The following NRG1 variants were observed in gnomAD, a reference collection of about 807,000 sequenced individuals.
NRG1 encodes neuregulin 1, also known as pro-neuregulin-1, membrane-bound isoform.
Under a neutral mutation model 63.8 loss-of-function variants are expected in NRG1, and 18 were observed. The observed-to-expected ratio is 0.28, with a 90% CI of 0.19 to 0.42. The LOEUF is 0.42. Among genes scored for constraint, NRG1 ranks in the 10% least tolerant of loss-of-function variants. The pLI, the probability that NRG1 is intolerant of heterozygous loss-of-function variation, is 1.00. For synonymous variants in NRG1, 302 were observed against 301.3 expected (o/e 1.00, Z -0.02); for missense variants, 762 against 814.7 (o/e 0.94, Z 0.79).
At chr8:32,009,319 T>C (rs1293688509) in intron 1 of NRG1, among the ~76,000 whole-genome samples, 1 of 152,030 alleles carries the variant, frequency 6.6e-6, no homozygotes, top group African/African-American at 2.4e-5. Context: ...TTTTAAGGTA[T>C]ATTCCATTCC....
intron 1 of NRG1, among the ~76,000 whole-genome samples, chr8:31,717,738 TGTC>T (rs1239143850): frequency 1.3e-5 from 2 of 152,196 alleles, no homozygotes; most frequent in African/African-American, 4.8e-5. Flanking sequence ...CCTTTTTTTT[TGTC>T]ATTTTAAGGC....
chr8:31,903,981 C>T (rs1832314865), intron 1 of NRG1, among the ~76,000 whole-genome samples: 1 of 152,064 alleles, frequency 6.6e-6, no homozygotes, highest in Non-Finnish European at 1.5e-5. Flanking sequence ...CTCTAATATA[C>T]AAATAATATC....
At chr8:31,924,373 C>T (rs556375446) in intron 1 of NRG1, among the ~76,000 whole-genome samples, 1 of 152,032 alleles carries the variant, frequency 6.6e-6, no homozygotes, top group South Asian at 2.1e-4. Context: ...AATTGCTTAT[C>T]CATTTTATTC....
chr8:31,729,369 A>G (rs961479980), intron 1 of NRG1, among the ~76,000 whole-genome samples: 2 of 152,156 alleles, frequency 1.3e-5, no homozygotes, highest in African/African-American at 4.8e-5. Context: ...GCTTTGGCAA[A>G]TACTTACAGA....
Position 32,213,421 on chromosome 8 carries a change from A to T in NRG1, c.38-382407A>T, listed in dbSNP as rs188666506. On this transcript the variant is annotated intron_variant, in intron 1 of 10. Transcript: ENST00000519301. ...AATGGGGGCTGAAAAATGAGAGCAC[A>T]TGGACACAGGAGGGTAACAACACAC... 2.4e-3 allele frequency among the ~76,000 whole-genome samples: 369 copies of T among 152,248 alleles called. 1 individual carries two copies. The highest frequency in any genetic ancestry group is 3.2e-3 in the Non-Finnish European group (218 of 68,004).
At chr8:32,728,655 T>A in intron 6 of NRG1, 1 of 984,970 alleles carries the variant, frequency 1.0e-6, no homozygotes, top group Non-Finnish European at 1.2e-6. Flanking sequence ...TATTTGGAAA[T>A]ACATTGTATG....
intron 1 of NRG1, among the ~76,000 whole-genome samples, chr8:32,214,930 G>A (rs1256840746): frequency 6.6e-6 from 1 of 152,158 alleles, no homozygotes; most frequent in African/African-American, 2.4e-5. Flanking sequence ...ATTTTCACTT[G>A]GCCAAATGCC....
intron 1 of NRG1, among the ~76,000 whole-genome samples, chr8:32,065,608 C>T (rs1245780245): frequency 6.6e-6 from 1 of 152,120 alleles, no homozygotes; most frequent in East Asian, 1.9e-4. Context: ...GGCTTGGTTC[C>T]AAGTCTTTGC....
At chr8:32,454,164 T>C (rs562499965) in intron 1 of NRG1, among the ~76,000 whole-genome samples, 1 of 152,354 alleles carries the variant, frequency 6.6e-6, no homozygotes, top group South Asian at 2.1e-4. Flanking sequence ...GCCATTTGGA[T>C]TTCAGAATTG....
chr8:32,386,067 T>C (rs1296073192), intron 1 of NRG1, among the ~76,000 whole-genome samples: 1 of 152,224 alleles, frequency 6.6e-6, no homozygotes, highest in Non-Finnish European at 1.5e-5. Flanking sequence ...CATAGGTCTT[T>C]AGATTTTAGT....
At chr8:32,453,682 TTCCACAGCAA>T (rs1385539685) in intron 1 of NRG1, among the ~76,000 whole-genome samples, 1 of 152,202 alleles carries the variant, frequency 6.6e-6, no homozygotes, top group African/African-American at 2.4e-5. Flanking sequence ...CAGACAGTCC[TTCCACAGCAA>T]TTATTTGTGA....
intron 1 of NRG1, among the ~76,000 whole-genome samples, chr8:31,665,790 T>C (rs1224512289): frequency 6.6e-6 from 1 of 152,192 alleles, no homozygotes; most frequent in African/African-American, 2.4e-5. Context: ...AATGGTGCGA[T>C]ATGACCCAGG....
chr8:32,027,762 A>AT (rs1237215214), intron 1 of NRG1, among the ~76,000 whole-genome samples: 10 of 151,960 alleles, frequency 6.6e-5, no homozygotes, highest in South Asian at 2.1e-4. Context: ...CTCCTAAGAT[A>AT]TTTTTTCTGT....
intron 1 of NRG1, among the ~76,000 whole-genome samples, chr8:32,337,005 A>C (rs1373236764): frequency 1.3e-5 from 2 of 151,984 alleles, no homozygotes; most frequent in Non-Finnish European, 2.9e-5. Flanking sequence ...ATTTTTCTTT[A>C]ATTTTATACT....
intron 5 of NRG1, among the ~76,000 whole-genome samples, chr8:32,687,378 C>A (rs1439729214): frequency 2.0e-5 from 3 of 152,144 alleles, no homozygotes; most frequent in Admixed American, 2.0e-4. Context: ...TTGAAAGAAA[C>A]TGCAACAGAG....
At chr8:31,766,479 A>G (rs1418434355) in intron 1 of NRG1, among the ~76,000 whole-genome samples, 2 of 152,238 alleles carry the variant, frequency 1.3e-5, no homozygotes, top group Non-Finnish European at 2.9e-5. Flanking sequence ...GAACTTACTC[A>G]GCATTCACTT....
intron 1 of NRG1, among the ~76,000 whole-genome samples, chr8:32,394,674 C>T (rs1038041483): frequency 1.3e-5 from 2 of 152,168 alleles, no homozygotes; most frequent in African/African-American, 2.4e-5. Context: ...CCAAGCACAA[C>T]TGGACATTTT....
At chr8:32,725,846 T>C (rs1379694218) in intron 5 of NRG1, among the ~76,000 whole-genome samples, 1 of 152,102 alleles carries the variant, frequency 6.6e-6, no homozygotes, top group Non-Finnish European at 1.5e-5. Flanking sequence ...TAAGTAGTTT[T>C]TTACATGAAA....
At chr8:32,512,490 T>A (rs559396202) in intron 1 of NRG1, among the ~76,000 whole-genome samples, 27 of 152,318 alleles carry the variant, frequency 1.8e-4, no homozygotes, top group African/African-American at 5.8e-4. Context: ...GATCTGATAA[T>A]CATAGCTAGC....
Sources: gnomAD v4.1 joint callset for allele counts (sites outside exome capture counted in the v4.1 genomes callset) on GRCh38, gnomAD v4.1.1 for gene constraint, MANE v1.5 for transcripts, NCBI Gene and HGNC (gene_info 2026-07-23, HGNC 2026-07-21) for gene names.